Variants in NEDD4 observed in about 807,000 individuals in gnomAD.
The protein encoded by NEDD4 is NEDD4 E3 ubiquitin protein ligase.
A neutral mutation model predicts 144.9 loss-of-function variants in NEDD4; 99 were observed. That is an observed-to-expected ratio of 0.68 (90% confidence interval 0.58 to 0.81). The LOEUF (loss-of-function observed/expected upper bound fraction) is 0.81. Among genes scored for constraint, NEDD4 ranks in the 30% least tolerant of loss-of-function variants. NEDD4 has a pLI of 0.00. For missense variants in NEDD4, 985 were observed against 1,065.9 expected (o/e 0.92, Z 1.06); for synonymous variants, 318 against 350.6 (o/e 0.91, Z 1.04).
At chr15:55,979,412 G>A (rs1378995977) in intron 1 of NEDD4, among the ~76,000 whole-genome samples, 1 of 142,838 alleles carries the variant, frequency 7.0e-6, no homozygotes, top group African/African-American at 2.6e-5. Flanking sequence ...GGACTGCAGT[G>A]GCGCAATCTC....
rs1764222400 is a variant in NEDD4 at position 55,833,952 on chromosome 15, T to G, written c.2430+86A>C. ...ATTTTTCTGTATCAGTTAAATGTAA[T>G]CCACCAGTATAGTTAATCAAGAGTT... On this transcript the variant is annotated intron_variant, in intron 26 of 28. Coordinates refer to ENST00000435532, the MANE Select transcript of NEDD4 (RefSeq NM_006154.4). The G allele has an allele frequency of 4.2e-6, 4 of 948,526 alleles. No homozygotes were observed. The South Asian group carries it at 6.0e-5, about 14-fold the overall frequency. 58.8% of individuals were successfully genotyped at this position (948,526 alleles called of 1,614,324 possible). A position where few individuals can be genotyped will look rare whatever the true frequency, so the allele number is the denominator to read the frequency against.
intron 1 of NEDD4, among the ~76,000 whole-genome samples, chr15:55,985,370 C>A (rs1378515860): frequency 6.6e-6 from 1 of 152,140 alleles, no homozygotes; most frequent in East Asian, 1.9e-4. Context: ...GAGGGAGATA[C>A]CATACAGAGA....
intron 8 of NEDD4, among the ~76,000 whole-genome samples, chr15:55,867,592 C>T (rs1441413922): frequency 6.6e-6 from 1 of 152,140 alleles, no homozygotes; most frequent in African/African-American, 2.4e-5. Context: ...TACTCTGGTA[C>T]ACCAAAAAGC....
At chr15:55,919,264 T>C (rs2036526010) in intron 5 of NEDD4, among the ~76,000 whole-genome samples, 1 of 152,206 alleles carries the variant, frequency 6.6e-6, no homozygotes, top group Non-Finnish European at 1.5e-5. Flanking sequence ...ACAGTCACTC[T>C]GAATGCCTAA....
intron 8 of NEDD4, among the ~76,000 whole-genome samples, chr15:55,869,018 T>G (rs1475447117): frequency 1.3e-5 from 2 of 152,192 alleles, no homozygotes; most frequent in African/African-American, 4.8e-5. Context: ...TGCCTCCTAC[T>G]TGCTTACTCC....
chr15:55,970,401 A>G (rs117522829), intron 1 of NEDD4, among the ~76,000 whole-genome samples: 1 of 152,168 alleles, frequency 6.6e-6, no homozygotes, highest in East Asian at 1.9e-4. Flanking sequence ...CTGAAGAGCC[A>G]TTGGGTCTTA....
At chr15:55,952,189 C>A (rs1405292825) in intron 2 of NEDD4, among the ~76,000 whole-genome samples, 2 of 151,748 alleles carry the variant, frequency 1.3e-5, no homozygotes, top group Non-Finnish European at 2.9e-5. Context: ...AAAAAATTAG[C>A]CAGGCGTGGT....
At chr15:55,953,447 TG>T (rs1419793218) in intron 2 of NEDD4, among the ~76,000 whole-genome samples, 1 of 151,548 alleles carries the variant, frequency 6.6e-6, no homozygotes, top group African/African-American at 2.4e-5. Context: ...TCTTCTTTTT[TG>T]TTTTTTTTTT....
At chr15:55,876,201 T>C (rs374184981) in intron 5 of NEDD4, among the ~76,000 whole-genome samples, 1 of 152,074 alleles carries the variant, frequency 6.6e-6, no homozygotes, top group African/African-American at 2.4e-5. Context: ...TCGGATAAAG[T>C]AGAGATAATT....
intron 2 of NEDD4, among the ~76,000 whole-genome samples, chr15:55,961,217 C>T (rs2142320411): frequency 6.6e-6 from 1 of 152,256 alleles, no homozygotes; most frequent in African/African-American, 2.4e-5. Context: ...ATGAAAGGCA[C>T]ACTGTAAACA....
intron 24 of NEDD4, among the ~76,000 whole-genome samples, 163 bp downstream of exon 24, chr15:55,837,626 G>C (rs2033273587): frequency 6.6e-6 from 1 of 152,064 alleles, no homozygotes. Flanking sequence ...TAGACTTCTT[G>C]AATGACTGAA....
intron 4 of NEDD4, among the ~76,000 whole-genome samples, chr15:55,932,920 A>G (rs2036811111): frequency 6.6e-6 from 1 of 152,246 alleles, no homozygotes; most frequent in African/African-American, 2.4e-5. Context: ...ACATGAAAAA[A>G]TGCTCATCAT....
chr15:55,849,010 A>C (rs1396404604), intron 14 of NEDD4, 124 bp from the exon 15 acceptor site: 2 of 729,328 alleles, frequency 2.7e-6, no homozygotes, highest in African/African-American at 3.6e-5. Flanking sequence ...GTCAATTTAT[A>C]CTTTATTTCC....
chr15:55,951,216 T>C (rs1191750188), intron 4 of NEDD4, among the ~76,000 whole-genome samples, 160 bp downstream of exon 4: 1 of 152,222 alleles, frequency 6.6e-6, no homozygotes, highest in Admixed American at 6.5e-5. Context: ...CTTACATTTA[T>C]GTTTTTTATA....
chr15:55,954,314 C>T (rs1257123433), intron 2 of NEDD4, among the ~76,000 whole-genome samples: 2 of 152,176 alleles, frequency 1.3e-5, no homozygotes, highest in Non-Finnish European at 2.9e-5. Flanking sequence ...CTACTATCTG[C>T]CAGTTAAATA....
chr15:55,954,851 T>A (rs1167393733), intron 2 of NEDD4, among the ~76,000 whole-genome samples: 1 of 152,186 alleles, frequency 6.6e-6, no homozygotes, highest in African/African-American at 2.4e-5. Flanking sequence ...ATTGGCTTTT[T>A]AATTATATTA....
At chr15:55,958,558 A>T (rs1210390540) in intron 2 of NEDD4, among the ~76,000 whole-genome samples, 1 of 150,574 alleles carries the variant, frequency 6.6e-6, no homozygotes, top group Non-Finnish European at 1.5e-5. Context: ...TAGAATTTTT[A>T]TTTTTTTTTC....
chr15:55,914,445 A>G (rs2036370848), intron 5 of NEDD4, among the ~76,000 whole-genome samples: 1 of 152,006 alleles, frequency 6.6e-6, no homozygotes. Context: ...GCTAAGATTC[A>G]TAAGAGTTAA....
At position 55,830,608 on chromosome 15, in the gene NEDD4, G is replaced by C. The variant is rs369753821; in HGVS notation, c.2528-22C>G. On this transcript the variant is annotated intron_variant, in intron 27 of 28. Coordinates refer to ENST00000435532, the MANE Select transcript of NEDD4 (RefSeq NM_006154.4). The stretch of plus-strand genomic sequence containing the variant: ...GAACCTATAAGGAAGAATTTATTTG[G>C]TTTCATTTACTCTCTACAAGGATCT... 3.7e-5 allele frequency: 59 copies of C among 1,606,842 alleles called. No individual in the cohort carries two copies. In the African/African-American group the frequency reaches 6.8e-4, roughly 19 times the overall value.
Sources: allele counts gnomAD v4.1 joint callset (sites outside exome capture counted in the v4.1 genomes callset), GRCh38; gene constraint gnomAD v4.1.1; transcripts MANE v1.5; gene names NCBI Gene and HGNC (gene_info 2026-07-23, HGNC 2026-07-21).